Variants in TRABD2A observed in about 807,000 individuals in gnomAD.
TRABD2A encodes the protein TraB domain containing 2A.
In TRABD2A, 43 loss-of-function variants were observed where a neutral mutation model predicts 45.6. The observed-to-expected ratio is 0.94, with a 90% CI of 0.74 to 1.22. The LOEUF is 1.22. Ranked by LOEUF, TRABD2A falls within the 50% of genes most tolerant of loss-of-function variation. TRABD2A has a pLI of 0.00. For missense variants in TRABD2A, 642 were observed against 652.4 expected, an observed-to-expected ratio of 0.98 and a Z score of 0.17; for synonymous variants, 269 against 265.0, an observed-to-expected ratio of 1.02 and a Z score of -0.15.
At chr2:84,844,295 C>T (rs936603695) in intron 2 of TRABD2A, among the ~76,000 whole-genome samples, 30 of 152,154 alleles carry the variant, frequency 2.0e-4, no homozygotes, top group Admixed American at 6.5e-5. Context: ...ATGCCGTTCT[C>T]GTGATAGTGA....
At chr2:84,845,124 G>A (rs1395951739) in intron 2 of TRABD2A, among the ~76,000 whole-genome samples, 3 of 152,184 alleles carry the variant, frequency 2.0e-5, no homozygotes, top group Non-Finnish European at 4.4e-5. Context: ...GCCGATGCAG[G>A]TGGATCCCTT....
chr2:84,841,275 C>T (rs1681700895), intron 3 of TRABD2A, among the ~76,000 whole-genome samples: 1 of 152,222 alleles, frequency 6.6e-6, no homozygotes, highest in African/African-American at 2.4e-5. Flanking sequence ...TGAGGCTGAG[C>T]AGCTACTTCC....
rs1682837322 is a variant in TRABD2A, at chr2:84,870,437, A to G, written c.457T>C (p.Phe153Leu). 1 of 1,614,044 alleles carries G rather than the reference A, an allele frequency of 6.2e-7. No individual in the cohort carries two copies. Among genetic ancestry groups the G allele is most frequent in the East Asian group, 2.2e-5 (1 of 44,890 alleles). Residue 153 changes from phenylalanine (F) to leucine (L), a missense_variant, in exon 2 of 7, where the codon TTC becomes CTC. Phe to Leu is a conservative substitution (Grantham distance 22). Transcript: ENST00000409520. ...TCCCAGTTTCCGGCAATAGCATTGA[A>G]GAGGTAGTCTGCGTAGAGCCCCTTG... ...RGKGLYADYL[F>L]NAIAGNWERK...
rs1379680127 is a variant in TRABD2A, at chr2:84,830,112, G to A, written c.1082+1943C>T. On this transcript the variant is annotated intron_variant, in intron 5 of 6. Transcript: ENST00000409520. The surrounding 1 kb of genome is among the most constrained non-coding windows in gnomAD (Gnocchi z 4.9). ...TGAACCCCAGGCCAGTCAGCCCAGCGGGAAGAGCTGAGAAGGGACCAGAGG... is the reference window on the plus strand; with the variant it reads ...TGAACCCCAGGCCAGTCAGCCCAGCAGGAAGAGCTGAGAAGGGACCAGAGG... Among the ~76,000 whole-genome samples, 1 of 152,124 alleles carries A rather than the reference G, an allele frequency of 6.6e-6. No individual in the cohort carries two copies. Among genetic ancestry groups the A allele is most frequent in the Non-Finnish European group, 1.5e-5 (1 of 68,012 alleles).
chr2:84,841,976 T>C lies in TRABD2A; in HGVS notation c.701A>G (p.Gln234Arg). ...VIFALNQTLL[Q>R]QESLRAGSLQ... ...ACTGCCTGCTCGCAGGCTTTCCTGC[T>C]GCAGGAGGGTCTGGTTCAAAGCAAA... The change falls in exon 3 of 7, where the codon CAG becomes CGG. Residue 234 changes from glutamine (Q) to arginine (R), a missense_variant. Transcript: ENST00000409520. The C allele has an allele frequency of 1.2e-5, 18 of 1,541,540 alleles. No individual in the cohort carries two copies. Among genetic ancestry groups the C allele is most frequent in the Non-Finnish European group, 1.6e-5 (18 of 1,143,156 alleles).
intron 2 of TRABD2A, among the ~76,000 whole-genome samples, chr2:84,851,989 C>T (rs1249599131): frequency 1.3e-5 from 2 of 152,200 alleles, no homozygotes; most frequent in Non-Finnish European, 2.9e-5. Flanking sequence ...CTTGATTCTC[C>T]TCCCCTTGGC....
At chr2:84,864,495 G>A (rs1368517814) in intron 2 of TRABD2A, among the ~76,000 whole-genome samples, 2 of 152,098 alleles carry the variant, frequency 1.3e-5, no homozygotes, top group African/African-American at 4.8e-5. Flanking sequence ...GTCAATAGGG[G>A]TCCCGCATGA....
At chr2:84,846,886 C>T (rs567647017) in intron 2 of TRABD2A, among the ~76,000 whole-genome samples, 2 of 152,250 alleles carry the variant, frequency 1.3e-5, no homozygotes, top group Non-Finnish European at 2.9e-5. Flanking sequence ...GGTGCCTGTT[C>T]GCACACTACC....
intron 5 of TRABD2A, among the ~76,000 whole-genome samples, chr2:84,829,361 G>C (rs1681242050): frequency 1.2e-5 from 1 of 81,198 alleles, no homozygotes. Flanking sequence ...GGAACAACCA[G>C]CAACACACAC....
chr2:84,856,997 C>T (rs1427401518), intron 2 of TRABD2A, among the ~76,000 whole-genome samples: 1 of 152,194 alleles, frequency 6.6e-6, no homozygotes, highest in Non-Finnish European at 1.5e-5. Context: ...GTCGCCAGAG[C>T]TGTCTCTCCT....
rs1188396550 is a variant in TRABD2A at position 84,822,053 on chromosome 2, G to T, written c.1382C>A (p.Ser461Tyr). The T allele has an allele frequency of 1.9e-6, 3 of 1,590,460 alleles. No individual in the cohort carries two copies. The highest frequency in any genetic ancestry group is 2.6e-6 in the Non-Finnish European group (3 of 1,168,734). The change falls in exon 7 of 7, where the codon TCC (serine) becomes TAC (tyrosine). Residue 461 changes from serine (S) to tyrosine (Y), a missense_variant. Ser to Tyr is a moderately radical substitution (Grantham distance 144). Transcript: ENST00000409520. ...ACGGCGAGGGAGCCGCAGTTCAGTG[G>T]AGATGTGCCTGTCCAGGACAGGGAC... ...LQVPVLDRHI[S>Y]TELRLPRRGH...
chr2:84,856,596 C>T (rs1282757204), intron 2 of TRABD2A, among the ~76,000 whole-genome samples: 8 of 152,120 alleles, frequency 5.3e-5, no homozygotes, highest in Non-Finnish European at 8.8e-5. Context: ...TGAAGAAGTG[C>T]TATGTTGTCA....
intron 4 of TRABD2A, chr2:84,837,438 T>A (rs1278387491): frequency 6.6e-6 from 1 of 152,272 alleles, no homozygotes; most frequent in Non-Finnish European, 1.5e-5. Flanking sequence ...TTTTGCTCTG[T>A]GTCTTATAAT....
chr2:84,867,037 C>T (rs1354705723), intron 2 of TRABD2A, among the ~76,000 whole-genome samples: 1 of 151,954 alleles, frequency 6.6e-6, no homozygotes, highest in East Asian at 1.9e-4. Flanking sequence ...CATTACACTT[C>T]AGCCTGGGCA....
At chr2:84,857,020 G>A (rs1203288600) in intron 2 of TRABD2A, among the ~76,000 whole-genome samples, 1 of 152,200 alleles carries the variant, frequency 6.6e-6, no homozygotes, top group Non-Finnish European at 1.5e-5. Context: ...GGCTCACACA[G>A]AGAAAAGGCT....
chr2:84,831,429 C>A (rs189274110), intron 5 of TRABD2A, among the ~76,000 whole-genome samples: 2 of 151,898 alleles, frequency 1.3e-5, no homozygotes. Flanking sequence ...CCAGGATGGA[C>A]GACCAGTTGG....
chr2:84,865,083 TC>T (rs1682631398), intron 2 of TRABD2A, among the ~76,000 whole-genome samples: 1 of 152,210 alleles, frequency 6.6e-6, no homozygotes, highest in Non-Finnish European at 1.5e-5. Flanking sequence ...ATCTGTTTCT[TC>T]TATTAGGTGA....
Position 84,870,311 on chromosome 2 carries a change from C to A in TRABD2A, c.583G>T (p.Glu195Ter), listed in dbSNP as rs1682829328. ...GTCTGTTTCCTCAGCCGCTCAGCCT[C>A]CTGGGCAAGGAACAGGTCTAAGACA... ...VPVLDLFLAQ[E>*]AERLRKQTGA... is the part of the protein sequence containing the mutation. Residue 195 changes from glutamate (E) to a stop codon, truncating the protein, a stop_gained, in exon 2 of 7, where the codon GAG becomes TAG. Transcript: ENST00000409520. LOFTEE classifies it high-confidence loss of function. 1.2e-6 allele frequency: 2 copies of A among 1,613,888 alleles called. No homozygotes were observed. The highest frequency in any genetic ancestry group is 8.5e-7 in the Non-Finnish European group (1 of 1,179,902).
chr2:84,847,811 C>T (rs1681949774), intron 2 of TRABD2A, among the ~76,000 whole-genome samples: 1 of 152,234 alleles, frequency 6.6e-6, no homozygotes, highest in African/African-American at 2.4e-5. Context: ...TATTGCCTCA[C>T]CATTCTGGAT....
Sources: allele counts gnomAD v4.1 joint callset (sites outside exome capture counted in the v4.1 genomes callset), GRCh38; gene constraint gnomAD v4.1.1; non-coding constraint Gnocchi (gnomAD v3.1); transcripts MANE v1.5; gene names NCBI Gene and HGNC (gene_info 2026-07-23, HGNC 2026-07-21).